USP28: variants seen among roughly 807,000 people sequenced by gnomAD.
USP28 encodes ubiquitin carboxyl-terminal hydrolase 28.
In USP28, 113 loss-of-function variants were observed where a neutral mutation model predicts 145.0. That is an observed-to-expected ratio of 0.78 (90% confidence interval 0.67 to 0.91). The LOEUF (loss-of-function observed/expected upper bound fraction) is 0.91. USP28 is among the 40% of genes least tolerant of loss of function. USP28 has a pLI of 0.00. For synonymous variants in USP28, 447 were observed against 450.9 expected (o/e 0.99, Z 0.11); for missense variants, 1,201 against 1,289.6 (o/e 0.93, Z 1.05).
intron 18 of USP28, among the ~76,000 whole-genome samples, chr11:113,807,115 CA>C (rs1323733172): frequency 6.6e-6 from 1 of 152,038 alleles, no homozygotes; most frequent in Non-Finnish European, 1.5e-5. Flanking sequence ...CTCTGTCGCC[CA>C]GGCTGGAGTG....
chr11:113,810,992 G>A (rs1403043383), intron 16 of USP28, among the ~76,000 whole-genome samples: 3 of 152,086 alleles, frequency 2.0e-5, no homozygotes, highest in Admixed American at 1.3e-4. Flanking sequence ...CCTTACTTAC[G>A]CCACACAGTA....
rs1418949361 is a variant in USP28, at chr11:113,837,202, TTTTCTA to T, written c.535-2873_535-2868del. 3.9e-5 allele frequency among the ~76,000 whole-genome samples: 6 copies of T among 152,246 alleles called. No individual in the cohort carries two copies. In the East Asian group the frequency reaches 1.2e-3, roughly 29 times the overall value. ...CTGTTAGTTTTTAGTTTACTGTTCA[TTTTCTA>T]TCTCACCTCATGAGAATTTACATTC... is the stretch of plus-strand genomic sequence containing the variant. On this transcript the variant is annotated intron_variant, in intron 5 of 24. Transcript: ENST00000003302.
chr11:113,875,491 T>C, exon 1 of USP28: 1 of 1,207,656 alleles, frequency 8.3e-7, no homozygotes, highest in Non-Finnish European at 1.0e-6. Context: ...CTGCTGCAGC[T>C]CCGCAGTCAT....
intron 12 of USP28, chr11:113,818,092 T>A (rs1038148081): frequency 2.6e-6 from 1 of 383,958 alleles, no homozygotes; most frequent in African/African-American, 2.1e-5. Flanking sequence ...GTCATGCCAG[T>A]TACACTTTCT....
At chr11:113,808,322 G>T (rs769400354) in exon 18 of USP28, 2 of 1,613,348 alleles carry the variant, frequency 1.2e-6, no homozygotes, top group South Asian at 1.1e-5. Flanking sequence ...CTTCTACACC[G>T]CTCTTCTCAT....
At chr11:113,812,596 T>A in intron 15 of USP28, 92 bp from the exon 16 acceptor site, 1 of 1,099,702 alleles carries the variant, frequency 9.1e-7, no homozygotes, top group Non-Finnish European at 1.3e-6. Flanking sequence ...ATGATGTGAT[T>A]AATGTGGGGT....
chr11:113,799,916 G>A (rs1938639089), intron 24 of USP28, among the ~76,000 whole-genome samples: 1 of 152,160 alleles, frequency 6.6e-6, no homozygotes, highest in African/African-American at 2.4e-5. Context: ...AATAAAAACT[G>A]AAGACAGTAA....
At chr11:113,823,974 A>T (rs1943000768) in intron 11 of USP28, among the ~76,000 whole-genome samples, 1 of 152,226 alleles carries the variant, frequency 6.6e-6, no homozygotes, top group Non-Finnish European at 1.5e-5. Context: ...GCAGATAGTA[A>T]AGAATGAAGT....
chr11:113,839,458 G>A (rs891086387), intron 5 of USP28, among the ~76,000 whole-genome samples: 4 of 152,148 alleles, frequency 2.6e-5, no homozygotes, highest in Non-Finnish European at 4.4e-5. Flanking sequence ...GGTGGCACAC[G>A]CCTGTCATCC....
At chr11:113,798,667 G>A (rs1053279200) in exon 25 of USP28, 4 of 152,634 alleles carry the variant, frequency 2.6e-5, no homozygotes, top group African/African-American at 9.7e-5. Context: ...GAGAGAGACA[G>A]GTCTCTTTTG....
At chr11:113,812,527 C>A (rs1475312781) in intron 15 of USP28, 23 bp from the exon 16 acceptor site, 2 of 1,602,392 alleles carry the variant, frequency 1.2e-6, no homozygotes, top group Non-Finnish European at 8.5e-7. Context: ...ATGTACATTC[C>A]CCAGTCAGGT....
At chr11:113,801,645 T>C (rs1306239177) in exon 24 of USP28, 2 of 1,584,178 alleles carry the variant, frequency 1.3e-6, no homozygotes, top group Admixed American at 3.4e-5. Context: ...TCATCATTTG[T>C]TTCAAAAAGA....
intron 4 of USP28, 136 bp downstream of exon 4, chr11:113,841,527 G>A: frequency 1.8e-6 from 1 of 555,376 alleles, no homozygotes; most frequent in Non-Finnish European, 3.2e-6. Context: ...GTAAGCTAAT[G>A]CAAATTCAAA....
chr11:113,875,007 T>C (rs1949228918), intron 1 of USP28: 1 of 755,120 alleles, frequency 1.3e-6, no homozygotes, highest in Non-Finnish European at 1.6e-6. Flanking sequence ...TTCCGGACTT[T>C]AAGTGAGATA....
intron 1 of USP28, among the ~76,000 whole-genome samples, chr11:113,856,029 CTA>C (rs1159301117): frequency 1.3e-5 from 2 of 152,224 alleles, no homozygotes; most frequent in Non-Finnish European, 2.9e-5. Context: ...GACTTTCACG[CTA>C]TGAGTCTTGT....
In USP28 at chr11:113,830,960, G is replaced by C; in HGVS notation, c.834-17C>G. ...CTGGGACTGCTGCTTTTAGGAAAAG[G>C]AGACAATTCTGGATTGTTTGGATTA... On this transcript the variant is annotated splice_polypyrimidine_tract_variant and intron_variant, in intron 8 of 24. Coordinates refer to ENST00000003302, the Ensembl canonical transcript of USP28. 6.2e-7 allele frequency: 1 copy of C among 1,611,820 alleles called. No homozygotes were observed. The highest frequency in any genetic ancestry group is 8.5e-7 in the Non-Finnish European group (1 of 1,179,550).
rs556250152 is a variant in USP28 at position 113,844,326 on chromosome 11, C to T, written c.269-2558G>A. Among the ~76,000 whole-genome samples, 556 of 151,812 alleles carry T rather than the reference C, an allele frequency of 3.7e-3. 2 individuals are homozygous for T. Among genetic ancestry groups the T allele is most frequent in the African/African-American group, 0.013 (531 of 41,410 alleles). ...CGTGGTGGCAGGTGCCTGTAATCTCCGCTACTCGGGAGGCTGGGGCAGGAG... is the reference window on the plus strand; with the variant it reads ...CGTGGTGGCAGGTGCCTGTAATCTCTGCTACTCGGGAGGCTGGGGCAGGAG... On this transcript the variant is annotated intron_variant, in intron 3 of 24. Coordinates refer to ENST00000003302, the Ensembl canonical transcript of USP28.
At chr11:113,841,628 T>G (rs1356037371) in intron 4 of USP28, 35 bp downstream of exon 4, 2 of 1,439,650 alleles carry the variant, frequency 1.4e-6, no homozygotes, top group African/African-American at 1.4e-5. Flanking sequence ...TACACACAAA[T>G]GTGGGGGGCA....
intron 1 of USP28, among the ~76,000 whole-genome samples, chr11:113,867,968 C>G (rs972504920): frequency 3.3e-5 from 5 of 152,160 alleles, no homozygotes; most frequent in African/African-American, 4.8e-5. Context: ...TAGCATGCAG[C>G]TGGTACTTAC....
Sources: allele counts gnomAD v4.1 joint callset (sites outside exome capture counted in the v4.1 genomes callset), GRCh38; gene constraint gnomAD v4.1.1; transcripts MANE v1.5; gene names NCBI Gene and HGNC (gene_info 2026-07-23, HGNC 2026-07-21).